The following EYS variants were observed in gnomAD, a reference collection of about 807,000 sequenced individuals.
EYS encodes protein eyes shut homolog.
A neutral mutation model predicts 282.1 loss-of-function variants in EYS; 250 were observed. That is an observed-to-expected ratio of 0.89 (90% CI 0.80 to 0.98). EYS has a LOEUF of 0.98. EYS is among the 50% of genes least tolerant of loss of function. The pLI is 0.00. For missense variants in EYS, 4,016 were observed against 3,709.0 expected (o/e 1.08, Z -2.15); for synonymous variants, 1,355 against 1,282.9 (o/e 1.06, Z -1.20).
At chr6:64,598,922 A>G (rs1480867628) in intron 24 of EYS, among the ~76,000 whole-genome samples, 2 of 152,200 alleles carry the variant, frequency 1.3e-5, no homozygotes, top group Non-Finnish European at 2.9e-5. Flanking sequence ...GATATAAATT[A>G]ATGTGAGTAT....
intron 31 of EYS, among the ~76,000 whole-genome samples, chr6:64,137,353 T>A (rs2150285648): frequency 6.6e-6 from 1 of 152,220 alleles, no homozygotes; most frequent in South Asian, 2.1e-4. Context: ...TTCAATGGAG[T>A]AGCACTTTTG....
intron 30 of EYS, among the ~76,000 whole-genome samples, chr6:64,245,721 T>C (rs1209650870): frequency 2.0e-5 from 3 of 152,140 alleles, no homozygotes; most frequent in Non-Finnish European, 4.4e-5. Context: ...ACTTTATCTG[T>C]GAGAAAACTT....
chr6:63,919,312 C>CTTTT (rs562177760), intron 35 of EYS, among the ~76,000 whole-genome samples: 527 of 49,380 alleles, frequency 0.011, 15 homozygotes, highest in African/African-American at 0.017. Context: ...AGGGAACAGA[C>CTTTT]TTTTTTTTTT....
chr6:65,067,873 T>C lies in EYS; in HGVS notation c.2024-10146A>G, dbSNP rs150116493. The stretch of plus-strand genomic sequence containing the variant: ...GTTATATAATGAGCATAGAGTCAAC[T>C]AATAATTTAATTACAGTTTCAGTAA... On this transcript the variant is annotated intron_variant, in intron 12 of 42. Coordinates refer to ENST00000503581, the MANE Select transcript of EYS (RefSeq NM_001142800.2). Among the ~76,000 whole-genome samples, 124 of 152,226 alleles carry C rather than the reference T, an allele frequency of 8.1e-4. 1 individual carries two copies. Among genetic ancestry groups the C allele is most frequent in the African/African-American group, 2.9e-3 (122 of 41,566 alleles).
At chr6:65,612,314 G>T (rs1766030909) in intron 2 of EYS, among the ~76,000 whole-genome samples, 1 of 151,462 alleles carries the variant, frequency 6.6e-6, no homozygotes, top group South Asian at 2.1e-4. Context: ...CAGAGCTCAT[G>T]AAATATGATG....
intron 2 of EYS, among the ~76,000 whole-genome samples, chr6:65,629,826 C>T (rs1328684302): frequency 6.6e-6 from 1 of 152,068 alleles, no homozygotes; most frequent in Non-Finnish European, 1.5e-5. Context: ...GCTATAATTC[C>T]ACTAAGTCAT....
chr6:64,389,581 C>T (rs1392581374), intron 28 of EYS, among the ~76,000 whole-genome samples: 1 of 152,104 alleles, frequency 6.6e-6, no homozygotes, highest in Non-Finnish European at 1.5e-5. Context: ...TACATATAGT[C>T]TATGGGTTTT....
intron 35 of EYS, among the ~76,000 whole-genome samples, chr6:63,940,804 G>A (rs552120940): frequency 6.6e-6 from 1 of 151,556 alleles, no homozygotes; most frequent in South Asian, 2.1e-4. Context: ...ATTTACATTA[G>A]GTATTTTTCT....
intron 33 of EYS, among the ~76,000 whole-genome samples, chr6:64,052,754 A>T (rs1285131082): frequency 6.6e-6 from 1 of 151,908 alleles, no homozygotes; most frequent in Non-Finnish European, 1.5e-5. Context: ...GTTCTCTGAT[A>T]GTGAGTAAGT....
At chr6:63,888,690 C>T (rs11751346) in intron 35 of EYS, among the ~76,000 whole-genome samples, 17,845 of 152,166 alleles carry the variant, frequency 0.12, 1,280 homozygotes, top group African/African-American at 0.19. Flanking sequence ...GGTAAACCAG[C>T]GTAAAAAGGC....
chr6:65,186,604 T>C (rs955980910), intron 12 of EYS, among the ~76,000 whole-genome samples: 2 of 151,760 alleles, frequency 1.3e-5, no homozygotes, highest in African/African-American at 4.8e-5. Flanking sequence ...ACTTTGGAAA[T>C]GAGATGATAG....
Position 65,445,457 on chromosome 6 carries a change from A to C in EYS, c.863-40090T>G, listed in dbSNP as rs149453470. Among the ~76,000 whole-genome samples the C allele has an allele frequency of 4.7e-3, 722 of 152,012 alleles. 4 individuals carry two copies. The highest frequency in any genetic ancestry group is 7.5e-3 in the Non-Finnish European group (509 of 67,860). On this transcript the variant is annotated intron_variant, in intron 5 of 42. Transcript: ENST00000503581. ...TTTACCACTTTTTTTTAAACAAAAA[A>C]GCATAAAATTAAATTTGCCTGCTAA...
rs981299350 is a variant in EYS at position 64,029,461 on chromosome 6, A to C, written c.6726-30278T>G. On this transcript the variant is annotated intron_variant, in intron 33 of 42. Coordinates refer to ENST00000503581, the MANE Select transcript of EYS (RefSeq NM_001142800.2). ...GCCAAAGGAAGTTTATGGCTATCGG[A>C]CAACCGCCTACTTAGATACCAGGTA... 2.6e-5 allele frequency among the ~76,000 whole-genome samples: 4 copies of C among 152,224 alleles called. No homozygotes were observed. In the East Asian group the frequency reaches 7.7e-4, roughly 29 times the overall value.
At chr6:65,535,295 G>C (rs1767922899) in intron 2 of EYS, among the ~76,000 whole-genome samples, 1 of 152,104 alleles carries the variant, frequency 6.6e-6, no homozygotes, top group Admixed American at 6.6e-5. Flanking sequence ...TTGAATTTTA[G>C]CTCCCATAAT....
rs139709493 is a variant in EYS, at chr6:64,718,237, C to T, written c.3444-91992G>A. Among the ~76,000 whole-genome samples, 6 of 152,210 alleles carry T rather than the reference C, an allele frequency of 3.9e-5. No homozygotes were observed. In the East Asian group the frequency reaches 1.2e-3, roughly 29 times the overall value. Reference sequence around the variant, plus strand: ...AGCTAGGTAGGAATCCACAACAGTGCAAGCACAAACACCCCTCAAGTATCT... The same window carrying T: ...AGCTAGGTAGGAATCCACAACAGTGTAAGCACAAACACCCCTCAAGTATCT... On this transcript the variant is annotated intron_variant, in intron 22 of 42. Transcript: ENST00000503581.
At chr6:64,067,089 C>A (rs1392337006) in intron 32 of EYS, among the ~76,000 whole-genome samples, 1 of 152,068 alleles carries the variant, frequency 6.6e-6, no homozygotes, top group Non-Finnish European at 1.5e-5. Context: ...TCCCCACATA[C>A]AAATATTTAC....
chr6:65,277,635 C>T (rs553105254), intron 12 of EYS, among the ~76,000 whole-genome samples: 1 of 152,212 alleles, frequency 6.6e-6, no homozygotes, highest in African/African-American at 2.4e-5. Flanking sequence ...GCCACCCAGT[C>T]TGTGGTACTT....
intron 12 of EYS, among the ~76,000 whole-genome samples, chr6:65,148,044 A>G (rs1764520507): frequency 1.3e-5 from 2 of 152,042 alleles, no homozygotes; most frequent in Non-Finnish European, 1.5e-5. Context: ...GGGAACCACA[A>G]TTCAAGATGA....
chr6:64,213,099 T>C (rs1765829029), intron 31 of EYS, among the ~76,000 whole-genome samples: 1 of 151,550 alleles, frequency 6.6e-6, no homozygotes, highest in Admixed American at 6.6e-5. Context: ...GGGTGCAGAG[T>C]GGGAAGAGGG....
Sources: allele counts gnomAD v4.1 joint callset (sites outside exome capture counted in the v4.1 genomes callset), GRCh38; gene constraint gnomAD v4.1.1; transcripts MANE v1.5; gene names NCBI Gene and HGNC (gene_info 2026-07-23, HGNC 2026-07-21).